Variants in OPCML observed in about 807,000 individuals in gnomAD.
The protein encoded by OPCML is opioid-binding protein/cell adhesion molecule.
A neutral mutation model predicts 37.8 loss-of-function variants in OPCML; 13 were observed. The ratio of observed to expected loss-of-function variants is 0.34; its 90% CI spans 0.22 to 0.55. The LOEUF is 0.55. Among genes scored for constraint, OPCML ranks in the 20% least tolerant of loss-of-function variants. The pLI, the probability that OPCML is intolerant of heterozygous loss-of-function variation, is 0.91. For synonymous variants in OPCML, 176 were observed against 168.8 expected (o/e 1.04, Z -0.33); for missense variants, 341 against 435.6 (o/e 0.78, Z 1.93).
At chr11:133,499,859 C>CATAT (rs1165126457) in intron 1 of OPCML, among the ~76,000 whole-genome samples, 15 of 122,142 alleles carry the variant, frequency 1.2e-4, no homozygotes, top group African/African-American at 3.0e-4. Context: ...TATACATACA[C>CATAT]ATATATATAT....
intron 1 of OPCML, among the ~76,000 whole-genome samples, chr11:132,947,108 G>T (rs527687492): frequency 1.3e-5 from 2 of 152,208 alleles, no homozygotes; most frequent in East Asian, 3.9e-4. Flanking sequence ...TCCTGGACCT[G>T]CTGGTTCTAT....
chr11:133,367,140 A>G (rs1428486077), intron 1 of OPCML, among the ~76,000 whole-genome samples: 1 of 152,072 alleles, frequency 6.6e-6, no homozygotes, highest in Non-Finnish European at 1.5e-5. Context: ...CACGACACCC[A>G]GCTAACTTTT....
chr11:132,900,930 T>A (rs891117618), intron 2 of OPCML, among the ~76,000 whole-genome samples: 3 of 152,164 alleles, frequency 2.0e-5, no homozygotes, highest in African/African-American at 7.2e-5. Flanking sequence ...CAGTGACTCA[T>A]GCCTGTAATC....
At chr11:133,180,886 T>C (rs576042433) in intron 1 of OPCML, among the ~76,000 whole-genome samples, 36 of 149,432 alleles carry the variant, frequency 2.4e-4, no homozygotes, top group Non-Finnish European at 3.8e-4. Flanking sequence ...GATTTAAAAC[T>C]GTTTTATGTT....
At chr11:132,766,585 C>T (rs1946451890) in intron 2 of OPCML, among the ~76,000 whole-genome samples, 1 of 152,134 alleles carries the variant, frequency 6.6e-6, no homozygotes, top group Non-Finnish European at 1.5e-5. Flanking sequence ...AGGGTACTAA[C>T]CCCATCATCA....
chr11:133,294,010 A>C (rs1006429371), intron 1 of OPCML, among the ~76,000 whole-genome samples: 11 of 152,040 alleles, frequency 7.2e-5, no homozygotes, highest in Non-Finnish European at 1.3e-4. Context: ...TCTTAGTAGC[A>C]CAGCTGGATC....
At chr11:133,483,630 A>G (rs1471062226) in intron 1 of OPCML, among the ~76,000 whole-genome samples, 1 of 151,478 alleles carries the variant, frequency 6.6e-6, no homozygotes, top group Non-Finnish European at 1.5e-5. Context: ...ATAAATAGAT[A>G]TATAGATAAT....
chr11:133,257,922 A>G (rs985330513), intron 1 of OPCML, among the ~76,000 whole-genome samples: 32 of 151,898 alleles, frequency 2.1e-4, no homozygotes, highest in African/African-American at 7.3e-4. Context: ...CAGAAAATAC[A>G]AAGTCAAGAC....
intron 1 of OPCML, among the ~76,000 whole-genome samples, chr11:133,491,367 T>C (rs1196076991): frequency 6.6e-6 from 1 of 152,126 alleles, no homozygotes; most frequent in East Asian, 1.9e-4. Context: ...CACGACACAC[T>C]AGGTGAGGGG....
At chr11:133,124,599 C>T (rs1949471130) in intron 1 of OPCML, among the ~76,000 whole-genome samples, 1 of 152,094 alleles carries the variant, frequency 6.6e-6, no homozygotes, top group African/African-American at 2.4e-5. Context: ...AATCACAGAG[C>T]CCCACTGCAG....
intron 1 of OPCML, chr11:133,004,677 G>A (rs546175519): frequency 1.0e-5 from 10 of 985,408 alleles, no homozygotes; most frequent in East Asian, 1.1e-4. Context: ...CCATGCCCTC[G>A]CTCTCCTTCA....
chr11:132,966,932 A>G (rs926382312), intron 1 of OPCML, among the ~76,000 whole-genome samples: 1 of 152,072 alleles, frequency 6.6e-6, no homozygotes, highest in Admixed American at 6.5e-5. Flanking sequence ...TGTATCTAAC[A>G]TGTCTCCCAT....
chr11:132,846,006 A>C (rs1941518591), intron 2 of OPCML, among the ~76,000 whole-genome samples: 1 of 152,188 alleles, frequency 6.6e-6, no homozygotes. Flanking sequence ...GAACGCTGAG[A>C]GCAATCCCCC....
At chr11:132,599,453 A>AGAG (rs1233000030) in intron 3 of OPCML, among the ~76,000 whole-genome samples, 10 of 149,418 alleles carry the variant, frequency 6.7e-5, no homozygotes, top group African/African-American at 1.5e-4. Context: ...AGGAGGAGGA[A>AGAG]GAGGAGGAGG....
rs112906182 is a variant in OPCML, at chr11:132,560,921, T to G, written c.380-31735A>C. On this transcript the variant is annotated intron_variant, in intron 3 of 7. Transcript: ENST00000524381. ...CTGTGCAGAAGCTGTTGCGTTTAAT[T>G]AAGTCCTATCTATTTATCTTTGTTT... Among the ~76,000 whole-genome samples, 1,206 of 152,302 alleles carry G rather than the reference T, an allele frequency of 7.9e-3. 21 individuals are homozygous for G. Among genetic ancestry groups the G allele is most frequent in the African/African-American group, 0.027 (1,127 of 41,564 alleles).
chr11:132,471,357 T>C (rs1230998039), intron 4 of OPCML, among the ~76,000 whole-genome samples: 1 of 152,194 alleles, frequency 6.6e-6, no homozygotes, highest in Admixed American at 6.5e-5. Context: ...TAATTATCTA[T>C]TGCTGCATAC....
intron 1 of OPCML, among the ~76,000 whole-genome samples, chr11:133,098,213 CTTTTTTTTTT>C (rs749902124): frequency 7.5e-6 from 1 of 133,742 alleles, no homozygotes; most frequent in Non-Finnish European, 1.6e-5. Flanking sequence ...GCTGGTTAAA[CTTTTTTTTTT>C]TTTTTTTTTG....
intron 1 of OPCML, among the ~76,000 whole-genome samples, chr11:132,980,216 G>C (rs973777479): frequency 3.3e-5 from 5 of 152,170 alleles, no homozygotes; most frequent in African/African-American, 1.2e-4. Context: ...TGAGGTCTCA[G>C]TAACCTCTAG....
intron 4 of OPCML, among the ~76,000 whole-genome samples, chr11:132,473,353 G>C (rs1240706341): frequency 6.6e-6 from 1 of 152,186 alleles, no homozygotes; most frequent in Non-Finnish European, 1.5e-5. Context: ...CTCCCTTATG[G>C]GGAAAGACCC....
Sources: gnomAD v4.1 joint callset for allele counts (sites outside exome capture counted in the v4.1 genomes callset) on GRCh38, gnomAD v4.1.1 for gene constraint, MANE v1.5 for transcripts, NCBI Gene and HGNC (gene_info 2026-07-23, HGNC 2026-07-21) for gene names.